RPRD2: variants seen among roughly 807,000 people sequenced by gnomAD.
The protein encoded by RPRD2 is regulation of nuclear pre-mRNA domain containing 2.
In RPRD2, 12 loss-of-function variants were observed where a neutral mutation model predicts 104.4. That is an observed-to-expected ratio of 0.11 (90% CI 0.07 to 0.19). RPRD2 has a LOEUF of 0.19. Ranked by LOEUF, RPRD2 falls within the 10% of genes least tolerant of loss-of-function variation. The pLI, the probability that RPRD2 is intolerant of heterozygous loss-of-function variation, is 1.00. For synonymous variants in RPRD2, 714 were observed against 684.9 expected (o/e 1.04, Z -0.66); for missense variants, 1,543 against 1,790.1 (o/e 0.86, Z 2.49).
chr1:150,368,783 T>C (rs782466405), intron 1 of RPRD2, among the ~76,000 whole-genome samples: 11 of 152,000 alleles, frequency 7.2e-5, no homozygotes, highest in Non-Finnish European at 1.2e-4. Context: ...AATTTTTGTA[T>C]TTTTTGTAGA....
chr1:150,423,372 G>A (rs781924715), intron 2 of RPRD2, among the ~76,000 whole-genome samples: 1 of 152,172 alleles, frequency 6.6e-6, no homozygotes, highest in African/African-American at 2.4e-5. Context: ...TGGTGTAAGA[G>A]TAGGTATATC....
At chr1:150,369,303 G>A (rs1443064105) in intron 1 of RPRD2, among the ~76,000 whole-genome samples, 1 of 151,866 alleles carries the variant, frequency 6.6e-6, no homozygotes, top group African/African-American at 2.4e-5. Context: ...GGTGGGGGAG[G>A]GACAGAGTCT....
intron 1 of RPRD2, among the ~76,000 whole-genome samples, chr1:150,404,894 A>T (rs782505165): frequency 1.3e-5 from 2 of 152,182 alleles, no homozygotes; most frequent in African/African-American, 4.8e-5. Flanking sequence ...CCATTATTAC[A>T]TATTGTTATT....
At chr1:150,399,697 C>T (rs1182812549) in intron 1 of RPRD2, among the ~76,000 whole-genome samples, 1 of 150,044 alleles carries the variant, frequency 6.7e-6, no homozygotes, top group South Asian at 2.1e-4. Context: ...GCAGAGGTTG[C>T]GGTGAGCAGA....
At chr1:150,369,745 CT>C (rs1478401702) in intron 1 of RPRD2, among the ~76,000 whole-genome samples, 1 of 148,498 alleles carries the variant, frequency 6.7e-6, no homozygotes, top group Non-Finnish European at 1.5e-5. Flanking sequence ...GCGTGAGCCA[CT>C]GTGCCCGGCC....
intron 1 of RPRD2, among the ~76,000 whole-genome samples, chr1:150,399,492 C>G (rs964088515): frequency 7.9e-5 from 12 of 152,280 alleles, no homozygotes; most frequent in African/African-American, 2.9e-4. Context: ...CGCGGTGGCT[C>G]ATGCCTGTAA....
At chr1:150,399,308 A>AC in intron 1 of RPRD2, among the ~76,000 whole-genome samples, 1 of 151,952 alleles carries the variant, frequency 6.6e-6, no homozygotes, top group East Asian at 1.9e-4. Flanking sequence ...GTTAGGTTTT[A>AC]CCTTAGGTCT....
intron 1 of RPRD2, among the ~76,000 whole-genome samples, chr1:150,399,160 C>T (rs1326845391): frequency 6.6e-6 from 1 of 151,944 alleles, no homozygotes; most frequent in East Asian, 1.9e-4. Flanking sequence ...AGCCTCCTCA[C>T]CTCGGTTATC....
chr1:150,423,327 T>G (rs1354389434), intron 2 of RPRD2, among the ~76,000 whole-genome samples: 2 of 152,198 alleles, frequency 1.3e-5, no homozygotes, highest in African/African-American at 4.8e-5. Context: ...AAGAATCCCT[T>G]TAAGAACTGA....
At chr1:150,435,302 C>T (rs1665920948) in intron 2 of RPRD2, among the ~76,000 whole-genome samples, 1 of 152,104 alleles carries the variant, frequency 6.6e-6, no homozygotes, top group African/African-American at 2.4e-5. Context: ...CAATTAATAG[C>T]CCTACAGTGG....
intron 7 of RPRD2, among the ~76,000 whole-genome samples, chr1:150,450,502 A>C (rs1667084784): frequency 6.8e-6 from 1 of 147,066 alleles, no homozygotes. Context: ...ACTACTCCGC[A>C]GGCTGAGGCA....
chr1:150,397,348 T>C (rs75827340), intron 1 of RPRD2, among the ~76,000 whole-genome samples: 5,248 of 152,286 alleles, frequency 0.034, 305 homozygotes, highest in African/African-American at 0.12. Context: ...TATTGTGTTA[T>C]GATTTACATA....
At chr1:150,438,529 G>A (rs985283753) in intron 2 of RPRD2, among the ~76,000 whole-genome samples, 2 of 151,590 alleles carry the variant, frequency 1.3e-5, no homozygotes, top group South Asian at 2.1e-4. Context: ...CCCCGGAGGC[G>A]GAGGCAGGAA....
At chr1:150,409,705 G>A (rs1172481951) in intron 1 of RPRD2, among the ~76,000 whole-genome samples, 1 of 142,900 alleles carries the variant, frequency 7.0e-6, no homozygotes, top group East Asian at 2.0e-4. Context: ...CTGAAGTGCA[G>A]TGGCGCAATC....
In RPRD2 at chr1:150,457,483, T is replaced by G; in HGVS notation, c.1066T>G (p.Ser356Ala). Residue 356 changes from serine (S) to alanine (A), a missense_variant, in exon 8 of 11, where the codon TCT (serine) becomes GCT (alanine). Ser to Ala is a moderately conservative substitution (Grantham distance 99). Coordinates refer to ENST00000369068, the MANE Select transcript of RPRD2 (RefSeq NM_015203.5). ...SQSPTMESEK[S>A]ATPEPVTDNR... The stretch of plus-strand genomic sequence containing the variant: ...GTCACCAACCATGGAGAGTGAGAAA[T>G]CTGCCACACCTGAACCTGTGACAGA... The G allele has an allele frequency of 6.2e-7, 1 of 1,613,740 alleles. No individual in the cohort carries two copies. Among genetic ancestry groups the G allele is most frequent in the East Asian group, 2.2e-5 (1 of 44,862 alleles).
chr1:150,391,573 T>G (rs1662068959), intron 1 of RPRD2, among the ~76,000 whole-genome samples: 1 of 152,188 alleles, frequency 6.6e-6, no homozygotes, highest in East Asian at 1.9e-4. Flanking sequence ...TAAATCTGAA[T>G]GAACATTTCC....
At chr1:150,396,231 T>C (rs1333689884) in intron 1 of RPRD2, among the ~76,000 whole-genome samples, 1 of 151,756 alleles carries the variant, frequency 6.6e-6, no homozygotes, top group Non-Finnish European at 1.5e-5. Flanking sequence ...TGTTTGAGTT[T>C]ATTATAGATT....
chr1:150,440,971 A>G lies in RPRD2; in HGVS notation c.384A>G (p.Glu128=). 6.3e-7 allele frequency: 1 copy of G among 1,584,762 alleles called. No individual in the cohort carries two copies. The highest frequency in any genetic ancestry group is 8.6e-7 in the Non-Finnish European group (1 of 1,163,696). ...TAGAACGAATCTTTAAAATCTGGGAAGATAGAAATGTATACCCAGAAGAAA... is the reference window on the plus strand; with the variant it reads ...TAGAACGAATCTTTAAAATCTGGGAGGATAGAAATGTATACCCAGAAGAAA... ...KSVERIFKIW[E]DRNVYPEEMI... The change falls in exon 3 of 11, where the codon GAA becomes GAG. Residue 128 remains glutamate, a synonymous_variant. Transcript: ENST00000369068.
chr1:150,388,374 A>ATG (rs1553882401), intron 1 of RPRD2, among the ~76,000 whole-genome samples: 2 of 72,096 alleles, frequency 2.8e-5, no homozygotes, highest in African/African-American at 5.6e-5. Context: ...ACATGTATAC[A>ATG]CATATACACG....
Sources: gnomAD v4.1 joint callset for allele counts (sites outside exome capture counted in the v4.1 genomes callset) on GRCh38, gnomAD v4.1.1 for gene constraint, MANE v1.5 for transcripts, NCBI Gene and HGNC (gene_info 2026-07-23, HGNC 2026-07-21) for gene names.